PEX6: variants seen among roughly 807,000 people sequenced by gnomAD.
The protein encoded by PEX6 is peroxisome biogenesis factor 6.
Under a neutral mutation model 85.6 loss-of-function variants are expected in PEX6, and 55 were observed. The ratio of observed to expected loss-of-function variants is 0.64; its 90% CI spans 0.52 to 0.80. The LOEUF is 0.80. PEX6 is among the 30% of genes least tolerant of loss of function. PEX6 has a pLI of 0.00. For missense variants in PEX6, 1,099 were observed against 1,260.3 expected (o/e 0.87, Z 1.94); for synonymous variants, 519 against 549.1 (o/e 0.95, Z 0.77).
rs1268287621 is a variant in PEX6, at chr6:42,965,670, C to T, written c.2471+11G>A. On this transcript the variant is annotated intron_variant, in intron 13 of 16. Transcript: ENST00000304611. The surrounding 1 kb of genome is among the most constrained non-coding windows in gnomAD (Gnocchi z 5.0). ...GGACCCCTCAGCTTTCATTCCCACT[C>T]AGACCCCTACCTGTCCATCACTCCT... is the stretch of plus-strand genomic sequence containing the variant. 1.3e-6 allele frequency: 2 copies of T among 1,595,988 alleles called. No homozygotes were observed. The highest frequency in any genetic ancestry group is 8.6e-7 in the Non-Finnish European group (1 of 1,163,472).
chr6:42,968,962 C>A lies in PEX6; in HGVS notation c.1391G>T (p.Ser464Ile), dbSNP rs766413103. The change falls in exon 6 of 17, where the codon AGC becomes ATC. Residue 464 changes from serine (S) to isoleucine (I), a missense_variant. Ser to Ile is a moderately radical substitution (Grantham distance 142). This residue lies in a region of PEX6 where 579 missense variants were observed against 611.6 expected (regional missense o/e 0.95). Coordinates refer to ENST00000304611, the MANE Select transcript of PEX6 (RefSeq NM_000287.4). The part of the protein sequence containing the change: ...QPGGALLTGT[S>I]SVLLRGPPGC... ...TGGGGGGCCCCGTAGAAGGACACTG[C>A]TAGTTCCTGTCAGCAGGGCACCCCT... 2 of 1,613,876 alleles carry A rather than the reference C, an allele frequency of 1.2e-6. No homozygotes were observed. The highest frequency in any genetic ancestry group is 1.1e-5 in the South Asian group (1 of 91,086).
chr6:42,968,971 G>C lies in PEX6; in HGVS notation c.1382C>G (p.Thr461Arg), dbSNP rs2114246115. The change falls in exon 6 of 17, where the codon ACA (threonine) becomes AGA (arginine). Residue 461 changes from threonine to arginine, a missense_variant. Thr to Arg is a moderately conservative substitution (Grantham distance 71). Coordinates refer to ENST00000304611, the MANE Select transcript of PEX6 (RefSeq NM_000287.4). ...PRLQPGGALL[T>R]GTSSVLLRGP... ...CCGTAGAAGGACACTGCTAGTTCCT[G>C]TCAGCAGGGCACCCCTGCAACCAGA... 1 of 1,613,066 alleles carries C rather than the reference G, an allele frequency of 6.2e-7. No individual in the cohort carries two copies. Among genetic ancestry groups the C allele is most frequent in the Non-Finnish European group, 8.5e-7 (1 of 1,179,218 alleles).
In PEX6 at chr6:42,965,625, T is replaced by C; in HGVS notation, c.2471+56A>G. The C allele has an allele frequency of 3.2e-6, 4 of 1,232,022 alleles. No individual in the cohort carries two copies. Among genetic ancestry groups the C allele is most frequent in the Non-Finnish European group, 3.6e-6 (3 of 831,286 alleles). 76.3% of individuals were successfully genotyped at this position (1,232,022 alleles called of 1,614,324 possible). On this transcript the variant is annotated intron_variant, in intron 13 of 16. Transcript: ENST00000304611. This position sits in a 1 kb window ranked among gnomAD's most constrained non-coding sequence, Gnocchi z 5.0. ...GGACTCTGAAGACTGCTGTGAGCTT[T>C]CTCATATCCTTCCCACCCTGGACCC...
chr6:42,978,674 C>A lies in PEX6; in HGVS notation c.477G>T (p.Glu159Asp). 1 of 1,560,202 alleles carries A rather than the reference C, an allele frequency of 6.4e-7. No homozygotes were observed. Among genetic ancestry groups the A allele is most frequent in the Non-Finnish European group, 8.6e-7 (1 of 1,160,432 alleles). Residue 159 changes from glutamate (E) to aspartate (D), a missense_variant, in exon 1 of 17, where the codon GAG (glutamate) becomes GAT (aspartate). By Grantham distance (45) the Glu-to-Asp change is conservative. Coordinates refer to ENST00000304611, the MANE Select transcript of PEX6 (RefSeq NM_000287.4). ...GACACAGTCTGGCCCGCCCGCGGAG[C>A]TCAGTCACAGCCAGCCGAGTCCCTG... ...LGPGTRLAVT[E>D]LRGRARLCPE...
intron 3 of PEX6, among the ~76,000 whole-genome samples, chr6:42,973,401 A>T (rs1730726602): frequency 6.6e-6 from 1 of 151,442 alleles, no homozygotes; most frequent in Non-Finnish European, 1.5e-5. Flanking sequence ...TGGTTCTTTT[A>T]GTTTGCTTGT....
intron 1 of PEX6, 56 bp from the exon 2 acceptor site, chr6:42,975,094 CCTGT>C: frequency 7.0e-7 from 1 of 1,421,028 alleles, no homozygotes; most frequent in Non-Finnish European, 9.9e-7. Flanking sequence ...CAGGCTCTAA[CCTGT>C]CTCTCAGCAG....
chr6:42,973,243 C>T (rs923050319), intron 3 of PEX6, among the ~76,000 whole-genome samples: 3 of 151,934 alleles, frequency 2.0e-5, no homozygotes, highest in Non-Finnish European at 4.4e-5. Context: ...AATTCCTGAC[C>T]TCAAGTGATC....
rs548459114 is a variant in PEX6, at chr6:42,975,025, C to G, written c.896G>C (p.Gly299Ala). Residue 299 changes from glycine (G) to alanine (A), a missense_variant, in exon 2 of 17, where the codon GGC becomes GCC. Transcript: ENST00000304611. ...GELRIQRYLEGSIAPEDKGSC... is the reference protein window; with the variant it reads ...GELRIQRYLEASIAPEDKGSC... Reference sequence around the variant, plus strand: ...TCCTTTGTCTTCAGGGGCGATGGAGCCTTCCAAGTACCTCTATTAGAGAAA... The same window carrying G: ...TCCTTTGTCTTCAGGGGCGATGGAGGCTTCCAAGTACCTCTATTAGAGAAA... 2 of 1,612,902 alleles carry G rather than the reference C, an allele frequency of 1.2e-6. No homozygotes were observed. Among genetic ancestry groups the G allele is most frequent in the African/African-American group, 1.3e-5 (1 of 74,974 alleles).
rs2114235199 is a variant in PEX6 at position 42,964,405 on chromosome 6, A to C, written c.2873T>G (p.Leu958Arg). 4 of 1,613,806 alleles carry C rather than the reference A, an allele frequency of 2.5e-6. No individual in the cohort carries two copies. Among genetic ancestry groups the C allele is most frequent in the Non-Finnish European group, 3.4e-6 (4 of 1,179,972 alleles). ...MEDLLQAAAR[L>R]QPSVSEQELL... ...CTCCTGCTCACTGACTGAGGGTTGCAGCCGGGCGGCAGCCTGCAGCAAGTC... is the reference window on the plus strand; with the variant it reads ...CTCCTGCTCACTGACTGAGGGTTGCCGCCGGGCGGCAGCCTGCAGCAAGTC... Residue 958 changes from leucine (L) to arginine (R), a missense_variant, in exon 17 of 17, where the codon CTG becomes CGG. Coordinates refer to ENST00000304611, the MANE Select transcript of PEX6 (RefSeq NM_000287.4). This position sits in a 1 kb window ranked among gnomAD's most constrained non-coding sequence, Gnocchi z 4.6.
chr6:42,969,541 TG>T, intron 5 of PEX6, 126 bp downstream of exon 5: 1 of 1,163,076 alleles, frequency 8.6e-7, no homozygotes, highest in South Asian at 1.2e-5. Flanking sequence ...TAGGACATAC[TG>T]GTTTGAGGAA....
At chr6:42,978,126 T>G in intron 1 of PEX6, 143 bp downstream of exon 1, 51 of 1,010,074 alleles carry the variant, frequency 5.0e-5, no homozygotes, top group Non-Finnish European at 7.1e-5. Flanking sequence ...ATTACAGGCG[T>G]GAGTCACCGC....
rs755248236 is a variant in PEX6, at chr6:42,969,594, C to G, written c.1367+74G>C. 1.9e-4 allele frequency: 302 copies of G among 1,578,434 alleles called. 1 individual carries two copies. Among genetic ancestry groups the G allele is most frequent in the Non-Finnish European group, 2.6e-4 (300 of 1,150,420 alleles). On this transcript the variant is annotated intron_variant, in intron 5 of 16. Transcript: ENST00000304611. ...CTCTGGCCAGTTCATTAGGAACTAC[C>G]CATCTGGCTGCTGCTCCTCCAGGGA...
chr6:42,968,813 G>A (rs949007179), intron 6 of PEX6, 61 bp downstream of exon 6: 2 of 1,225,386 alleles, frequency 1.6e-6, no homozygotes, highest in Non-Finnish European at 2.4e-6. Flanking sequence ...AAGCAGCAGA[G>A]AGGGAGAACA....
intron 3 of PEX6, 120 bp from the exon 4 acceptor site, chr6:42,970,107 T>A (rs1770011805): frequency 1.3e-6 from 1 of 792,892 alleles, no homozygotes; most frequent in Non-Finnish European, 2.2e-6. Context: ...TCCCGAGTCA[T>A]GGTGGGGAAA....
chr6:42,973,625 G>C (rs1561826594), intron 3 of PEX6, among the ~76,000 whole-genome samples: 1 of 152,130 alleles, frequency 6.6e-6, no homozygotes, highest in African/African-American at 2.4e-5. Context: ...GGCCAAGGCA[G>C]GCAGATCACT....
At chr6:42,967,685 A>T in intron 7 of PEX6, 122 bp from the exon 8 acceptor site, 2 of 800,856 alleles carry the variant, frequency 2.5e-6, no homozygotes, top group South Asian at 1.6e-5. Flanking sequence ...TGGGGTAGGG[A>T]GATGAGCATC....
chr6:42,964,716 A>C lies in PEX6; in HGVS notation c.2806+74T>G, dbSNP rs1299458323. 1.9e-6 allele frequency: 3 copies of C among 1,586,606 alleles called. No individual in the cohort carries two copies. The highest frequency in any genetic ancestry group is 2.6e-6 in the Non-Finnish European group (3 of 1,156,578). ...GCGATCCTCCCACCTCAGCCTCTCA[A>C]GTAGCTGGGACTCAGGTGCACCCAG... On this transcript the variant is annotated intron_variant, in intron 16 of 16. Transcript: ENST00000304611. The surrounding 1 kb of genome is among the most constrained non-coding windows in gnomAD (Gnocchi z 4.6).
Position 42,965,864 on chromosome 6 carries a change from G to A in PEX6, c.2363-75C>T. ...GTTGAAGTTAGGTGAGAGCAGGGAG[G>A]GAAACTGGGGCCTGACAATACAGCA... On this transcript the variant is annotated intron_variant, in intron 12 of 16. Transcript: ENST00000304611. The surrounding 1 kb of genome is among the most constrained non-coding windows in gnomAD (Gnocchi z 5.0). 7.2e-7 allele frequency: 1 copy of A among 1,389,320 alleles called. No individual in the cohort carries two copies. The highest frequency in any genetic ancestry group is 1.0e-6 in the Non-Finnish European group (1 of 978,420). 86.1% of individuals were successfully genotyped at this position (1,389,320 alleles called of 1,614,324 possible).
intron 5 of PEX6, 97 bp downstream of exon 5, chr6:42,969,571 C>T: frequency 6.7e-7 from 1 of 1,483,846 alleles, no homozygotes; most frequent in South Asian, 1.1e-5. Context: ...CAATCCCACT[C>T]TGGCCAGTTC....
Sources: gnomAD v4.1 joint callset for allele counts (sites outside exome capture counted in the v4.1 genomes callset) on GRCh38, gnomAD v4.1.1 for gene constraint, gnomAD v4.1.1 regional missense constraint, Gnocchi (gnomAD v3.1) non-coding constraint, MANE v1.5 for transcripts, NCBI Gene and HGNC (gene_info 2026-07-23, HGNC 2026-07-21) for gene names.